The following THSD7B variants were observed in gnomAD, a reference collection of about 807,000 sequenced individuals.
THSD7B encodes thrombospondin type-1 domain-containing protein 7B.
A neutral mutation model predicts 213.6 loss-of-function variants in THSD7B; 138 were observed. That is an observed-to-expected ratio of 0.65 (90% CI 0.56 to 0.74). The LOEUF (loss-of-function observed/expected upper bound fraction) is 0.74. THSD7B is among the 30% of genes least tolerant of loss of function. The pLI is 0.00. For missense variants in THSD7B, 1,931 were observed against 1,991.5 expected (o/e 0.97, Z 0.58); for synonymous variants, 742 against 687.0 (o/e 1.08, Z -1.25).
rs138243301 is a variant in THSD7B, at chr2:136,787,522, C to T, written c.-36+21835C>T. Among the ~76,000 whole-genome samples the T allele has an allele frequency of 6.6e-5, 10 of 152,108 alleles. No individual in the cohort carries two copies. The East Asian group carries it at 1.4e-3, about 21-fold the overall frequency. On this transcript the variant is annotated intron_variant, in intron 1 of 27. Transcript: ENST00000409968. ...GGAATAGGTTGCTTTATAAAATGTG[C>T]CTACAATGTAAGTTTACAAAAGGAA...
At chr2:137,618,190 G>A (rs759108999) in intron 18 of THSD7B, among the ~76,000 whole-genome samples, 9 of 152,100 alleles carry the variant, frequency 5.9e-5, no homozygotes, top group Non-Finnish European at 1.3e-4. Flanking sequence ...AATTTAAGTA[G>A]GTAACTCACT....
intron 15 of THSD7B, chr2:137,538,392 T>C (rs1018502361): frequency 6.6e-6 from 3 of 456,870 alleles, no homozygotes; most frequent in South Asian, 1.6e-5. Flanking sequence ...ATTTCTACTT[T>C]TTTCAATTTT....
chr2:137,165,561 T>G (rs570698518), intron 6 of THSD7B, among the ~76,000 whole-genome samples: 1 of 152,254 alleles, frequency 6.6e-6, no homozygotes, highest in Non-Finnish European at 1.5e-5. Flanking sequence ...CCAGGATCAC[T>G]GAGTGGTACA....
In THSD7B at chr2:137,574,155, G is replaced by A. The variant is rs141730216; in HGVS notation, c.3423+1599G>A. Among the ~76,000 whole-genome samples the A allele has an allele frequency of 6.6e-3, 996 of 152,012 alleles. 2 individuals are homozygous for A. Among genetic ancestry groups the A allele is most frequent in the Non-Finnish European group, 0.011 (735 of 67,912 alleles). ...GACTCCATTAAGCTCTAATCACTTC[G>A]CAATGAAAACATTGCCGTCTTAAGG... On this transcript the variant is annotated intron_variant, in intron 17 of 27. Transcript: ENST00000409968.
chr2:136,777,379 T>C (rs1172782842), intron 1 of THSD7B, among the ~76,000 whole-genome samples: 2 of 152,154 alleles, frequency 1.3e-5, no homozygotes, highest in Non-Finnish European at 2.9e-5. Context: ...TTCTAGCTTC[T>C]GAAACTAGTA....
intron 7 of THSD7B, among the ~76,000 whole-genome samples, chr2:137,197,831 T>A (rs946961462): frequency 3.9e-5 from 6 of 152,140 alleles, no homozygotes; most frequent in Non-Finnish European, 7.4e-5. Context: ...CCTTAAGAGT[T>A]AAGAAATGCC....
intron 2 of THSD7B, among the ~76,000 whole-genome samples, chr2:137,052,572 T>A (rs188994215): frequency 9.2e-5 from 14 of 152,146 alleles, no homozygotes; most frequent in African/African-American, 3.1e-4. Flanking sequence ...AAAAGCAAGG[T>A]TTTTTTGTAT....
chr2:137,188,542 C>T (rs1680597126), intron 7 of THSD7B, among the ~76,000 whole-genome samples: 1 of 152,144 alleles, frequency 6.6e-6, no homozygotes, highest in Admixed American at 6.5e-5. Context: ...ACTCATGATA[C>T]ACATTACCAT....
intron 1 of THSD7B, among the ~76,000 whole-genome samples, chr2:136,808,166 A>G (rs1474343442): frequency 6.6e-6 from 1 of 152,246 alleles, no homozygotes; most frequent in Non-Finnish European, 1.5e-5. Context: ...CAGCACTTTC[A>G]GAATTATCAA....
At chr2:137,245,456 TC>T (rs1205584073) in intron 10 of THSD7B, among the ~76,000 whole-genome samples, 1 of 152,120 alleles carries the variant, frequency 6.6e-6, no homozygotes, top group African/African-American at 2.4e-5. Context: ...CAGCTGCCCC[TC>T]CTTCCCGGGT....
At chr2:137,362,296 C>A (rs544572339) in intron 12 of THSD7B, among the ~76,000 whole-genome samples, 53 of 152,238 alleles carry the variant, frequency 3.5e-4, no homozygotes, top group Middle Eastern at 3.4e-3. Context: ...ATTGTAAAGA[C>A]CATCGATGCT....
chr2:136,945,441 ATG>A (rs1254064523), intron 2 of THSD7B, among the ~76,000 whole-genome samples: 1 of 152,168 alleles, frequency 6.6e-6, no homozygotes, highest in East Asian at 1.9e-4. Flanking sequence ...TCTGACAATT[ATG>A]TGTCTTTGGG....
intron 6 of THSD7B, among the ~76,000 whole-genome samples, chr2:137,167,594 A>AACACTGACCCCTTTTCTGCC (rs1680162602): frequency 6.6e-6 from 1 of 152,142 alleles, no homozygotes; most frequent in Non-Finnish European, 1.5e-5. Context: ...TCAATTAAAA[A>AACACTGACCCCTTTTCTGCC]ACACTGACCC....
At chr2:137,508,930 C>G (rs893129778) in intron 15 of THSD7B, among the ~76,000 whole-genome samples, 1 of 152,070 alleles carries the variant, frequency 6.6e-6, no homozygotes, top group Non-Finnish European at 1.5e-5. Flanking sequence ...AGGGCACTCT[C>G]CAACCTGCTG....
At chr2:137,315,229 A>T (rs1490427645) in intron 12 of THSD7B, among the ~76,000 whole-genome samples, 1 of 152,186 alleles carries the variant, frequency 6.6e-6, no homozygotes, top group Admixed American at 6.5e-5. Flanking sequence ...TTTTAAGCCC[A>T]TCAGAAAAGC....
intron 3 of THSD7B, among the ~76,000 whole-genome samples, chr2:137,094,403 T>G (rs908515984): frequency 6.6e-6 from 1 of 152,166 alleles, no homozygotes; most frequent in African/African-American, 2.4e-5. Flanking sequence ...AAACCCTGTC[T>G]CTACTGAAAA....
chr2:137,641,805 C>T (rs1299119062), intron 20 of THSD7B, among the ~76,000 whole-genome samples: 1 of 152,112 alleles, frequency 6.6e-6, no homozygotes, highest in Non-Finnish European at 1.5e-5. Context: ...TTTTAAACAT[C>T]TTGGTTGCTT....
At chr2:137,581,996 T>G (rs1215578862) in intron 17 of THSD7B, among the ~76,000 whole-genome samples, 3 of 151,724 alleles carry the variant, frequency 2.0e-5, no homozygotes, top group African/African-American at 4.8e-5. Flanking sequence ...CTCGGGAGGC[T>G]GAGGCATGAG....
chr2:137,066,729 G>A (rs977504852), intron 3 of THSD7B, among the ~76,000 whole-genome samples: 2 of 151,874 alleles, frequency 1.3e-5, no homozygotes, highest in Non-Finnish European at 2.9e-5. Flanking sequence ...TCTATGATTT[G>A]GTGTCTGCCA....
Sources: gnomAD v4.1 joint callset for allele counts (sites outside exome capture counted in the v4.1 genomes callset) on GRCh38, gnomAD v4.1.1 for gene constraint, MANE v1.5 for transcripts, NCBI Gene and HGNC (gene_info 2026-07-23, HGNC 2026-07-21) for gene names.